The following ATP9B variants were observed in gnomAD, a reference collection of about 807,000 sequenced individuals.
The protein encoded by ATP9B is ATPase phospholipid transporting 9B.
ATP9B carries 110 observed loss-of-function variants against 146.1 expected under a neutral mutation model. The ratio of observed to expected loss-of-function variants is 0.75; its 90% CI spans 0.65 to 0.88. The LOEUF is 0.88. Among genes scored for constraint, ATP9B ranks in the 40% least tolerant of loss-of-function variants. ATP9B has a pLI of 0.00. For missense variants in ATP9B, 1,499 were observed against 1,496.4 expected, an observed-to-expected ratio of 1.00 and a Z score of -0.03; for synonymous variants, 604 against 569.7, an observed-to-expected ratio of 1.06 and a Z score of -0.86.
At chr18:79,253,599 G>T in intron 12 of ATP9B, 58 bp downstream of exon 12, 1 of 1,481,784 alleles carries the variant, frequency 6.7e-7, no homozygotes, top group South Asian at 1.3e-5. Context: ...TGATTTTATT[G>T]AATTTATCTT....
chr18:79,080,776 T>C (rs1470394663), intron 1 of ATP9B, among the ~76,000 whole-genome samples: 1 of 151,624 alleles, frequency 6.6e-6, no homozygotes, highest in Non-Finnish European at 1.5e-5. Context: ...ATAGCTCTTA[T>C]TATTTTGAGA....
chr18:79,143,695 GT>G (rs1365420176), intron 5 of ATP9B, 106 bp from the exon 6 acceptor site: 14 of 666,600 alleles, frequency 2.1e-5, no homozygotes, highest in South Asian at 6.7e-5. Context: ...AATTTCTAAA[GT>G]TTTTTTTTCT....
In ATP9B at chr18:79,268,476, A is replaced by G. The variant is rs78871249; in HGVS notation, c.1269-8578A>G. On this transcript the variant is annotated intron_variant, in intron 12 of 29. Coordinates refer to ENST00000426216, the MANE Select transcript of ATP9B (RefSeq NM_198531.5). ...TTTTTGTAATGCAACTTTTTTCTCCAGCAGTTTAGAAGTTATGTAAGTGGT... is the reference window on the plus strand; with the variant it reads ...TTTTTGTAATGCAACTTTTTTCTCCGGCAGTTTAGAAGTTATGTAAGTGGT... 4.7e-3 allele frequency among the ~76,000 whole-genome samples: 715 copies of G among 152,076 alleles called. 15 individuals are homozygous for G. In the East Asian group the frequency reaches 0.11, roughly 23 times the overall value.
At chr18:79,100,455 A>G (rs2075180581) in intron 2 of ATP9B, among the ~76,000 whole-genome samples, 1 of 151,924 alleles carries the variant, frequency 6.6e-6, no homozygotes, top group African/African-American at 2.4e-5. Context: ...TTTTCAGTTG[A>G]CCTTTTATTG....
Position 79,086,435 on chromosome 18 carries a change from CAAAAAA to C in ATP9B, c.120-10026_120-10021del, listed in dbSNP as rs56268434. ...TGGGAGACAGAGCAAGGCTCTATCTCAAAAAAAAAAAAAAAAAAAAGATAAAATCTC... is the reference window on the plus strand; with the variant it reads ...TGGGAGACAGAGCAAGGCTCTATCTCAAAAAAAAAAAAAAGATAAAATCTC... On this transcript the variant is annotated intron_variant, in intron 1 of 29. Transcript: ENST00000426216. 16 of 63,482 alleles carry C rather than the reference CAAAAAA, an allele frequency of 2.5e-4. 1 individual carries two copies. Among genetic ancestry groups the C allele is most frequent in the African/African-American group, 2.7e-4 (4 of 14,628 alleles). The allele number at this position is 63,482 out of a possible 1,614,324, so 3.9% of individuals were successfully genotyped here. A position where few individuals can be genotyped will look rare whatever the true frequency, so the allele number is the denominator to read the frequency against.
chr18:79,165,989 C>T (rs1600099366), intron 7 of ATP9B, among the ~76,000 whole-genome samples: 1 of 152,144 alleles, frequency 6.6e-6, no homozygotes, highest in East Asian at 1.9e-4. Context: ...TACACCACAA[C>T]CCCATCCCCA....
chr18:79,288,272 C>G (rs1470469835), intron 13 of ATP9B, among the ~76,000 whole-genome samples: 2 of 149,704 alleles, frequency 1.3e-5, no homozygotes, highest in African/African-American at 4.9e-5. Context: ...GTAGGTCACT[C>G]AGGACTTGCT....
At position 79,215,777 on chromosome 18, in the gene ATP9B, G is replaced by A. The variant is rs564274110; in HGVS notation, c.1107+1739G>A. Among the ~76,000 whole-genome samples, 13 of 152,112 alleles carry A rather than the reference G, an allele frequency of 8.5e-5. No individual in the cohort carries two copies. In the South Asian group the frequency reaches 1.0e-3, roughly 12 times the overall value. ...CCATCTTGGCTCACTGCAGCCTCCA[G>A]CTCCTGGGTTCAAGCGATTCTCCTG... is the stretch of plus-strand genomic sequence containing the variant. On this transcript the variant is annotated intron_variant, in intron 11 of 29. Coordinates refer to ENST00000426216, the MANE Select transcript of ATP9B (RefSeq NM_198531.5).
chr18:79,218,123 A>G (rs1489681630), intron 11 of ATP9B, among the ~76,000 whole-genome samples: 1 of 152,208 alleles, frequency 6.6e-6, no homozygotes, highest in Non-Finnish European at 1.5e-5. Context: ...CTCATGTTCC[A>G]GGTCCGGCCA....
chr18:79,195,261 A>ACAG (rs1380892434), intron 9 of ATP9B, among the ~76,000 whole-genome samples: 3 of 93,888 alleles, frequency 3.2e-5, no homozygotes, highest in African/African-American at 2.2e-4. Context: ...ATTATTATGA[A>ACAG]TAGAAGAAAC....
chr18:79,278,538 T>C (rs2096340119), intron 13 of ATP9B, among the ~76,000 whole-genome samples: 1 of 152,184 alleles, frequency 6.6e-6, no homozygotes, highest in Non-Finnish European at 1.5e-5. Flanking sequence ...CATCATAAGT[T>C]GAGGAGTCTC....
intron 19 of ATP9B, 134 bp from the exon 20 acceptor site, chr18:79,342,134 A>G: frequency 3.0e-6 from 2 of 669,008 alleles, no homozygotes; most frequent in Non-Finnish European, 5.5e-6. Context: ...TATGGAACAC[A>G]TTTTGCTCAT....
At chr18:79,356,528 A>G (rs753290774) in intron 25 of ATP9B, among the ~76,000 whole-genome samples, 1 of 152,250 alleles carries the variant, frequency 6.6e-6, no homozygotes, top group Non-Finnish European at 1.5e-5. Flanking sequence ...TTTGCCTGCC[A>G]CAAAATAGTA....
chr18:79,161,533 A>C (rs1158789348), intron 7 of ATP9B, among the ~76,000 whole-genome samples: 1 of 152,168 alleles, frequency 6.6e-6, no homozygotes, highest in Non-Finnish European at 1.5e-5. Context: ...TTGTTAAAAT[A>C]ATAGTTACTC....
rs553448255 is a variant in ATP9B at position 79,198,960 on chromosome 18, A to G, written c.954+5697A>G. Among the ~76,000 whole-genome samples the G allele has an allele frequency of 4.7e-5, 7 of 148,388 alleles. No homozygotes were observed. The South Asian group carries it at 1.3e-3, about 27-fold the overall frequency. On this transcript the variant is annotated intron_variant, in intron 9 of 29. Coordinates refer to ENST00000426216, the MANE Select transcript of ATP9B (RefSeq NM_198531.5). ...TTAATCTCAGCTTCCTATAACTTTA[A>G]TTTTTTTTTTTGAGACAGTCTCACT...
chr18:79,274,782 A>G (rs1161144973), intron 12 of ATP9B, among the ~76,000 whole-genome samples: 1 of 152,132 alleles, frequency 6.6e-6, no homozygotes, highest in African/African-American at 2.4e-5. Context: ...ATGAGTAGCT[A>G]CTGCTTTATA....
At chr18:79,377,040 G>C (rs987010263) in intron 29 of ATP9B, among the ~76,000 whole-genome samples, 1 of 152,142 alleles carries the variant, frequency 6.6e-6, no homozygotes, top group Non-Finnish European at 1.5e-5. Context: ...TCCATTAAAA[G>C]AAGAATGAAT....
At position 79,151,641 on chromosome 18, in the gene ATP9B, A is replaced by G. The variant is rs1289038194; in HGVS notation, c.727-2863A>G. 2.0e-5 allele frequency among the ~76,000 whole-genome samples: 3 copies of G among 150,368 alleles called. No homozygotes were observed. The South Asian group carries it at 6.3e-4, about 31-fold the overall frequency. On this transcript the variant is annotated intron_variant, in intron 6 of 29. Transcript: ENST00000426216. ...TTTGCAAAGTGGTGTACCAAATTCTACTCCAATCAGCGTGCCTTGGCATGT... is the reference window on the plus strand; with the variant it reads ...TTTGCAAAGTGGTGTACCAAATTCTGCTCCAATCAGCGTGCCTTGGCATGT...
chr18:79,138,392 G>A (rs1377629850), intron 5 of ATP9B, among the ~76,000 whole-genome samples: 2 of 152,162 alleles, frequency 1.3e-5, no homozygotes, highest in Non-Finnish European at 2.9e-5. Context: ...ACCTTTGCAA[G>A]CAGAATGGAG....
Sources: allele counts gnomAD v4.1 joint callset (sites outside exome capture counted in the v4.1 genomes callset), GRCh38; gene constraint gnomAD v4.1.1; transcripts MANE v1.5; gene names NCBI Gene and HGNC (gene_info 2026-07-23, HGNC 2026-07-21).